LRBA: variants seen among roughly 807,000 people sequenced by gnomAD.
LRBA encodes LPS responsive beige-like anchor protein.
LRBA carries 176 observed loss-of-function variants against 330.0 expected under a neutral mutation model. The ratio of observed to expected loss-of-function variants is 0.53; its 90% CI spans 0.47 to 0.60. The LOEUF is 0.60. LRBA is among the 20% of genes least tolerant of loss of function. The probability of loss-of-function intolerance (pLI) is 0.00; values close to 1 mark genes in which losing one functional copy is unlikely to be tolerated. For missense variants in LRBA, 3,259 were observed against 3,444.8 expected (o/e 0.95, Z 1.35); for synonymous variants, 1,230 against 1,193.0 (o/e 1.03, Z -0.64).
intron 56 of LRBA, among the ~76,000 whole-genome samples, chr4:150,267,697 G>A (rs1270648336): frequency 2.0e-5 from 3 of 152,092 alleles, no homozygotes; most frequent in Non-Finnish European, 4.4e-5. Context: ...ATAGTAAAAT[G>A]ATTGATAGGA....
chr4:150,590,140 T>A (rs1772625004), intron 39 of LRBA, among the ~76,000 whole-genome samples: 1 of 152,182 alleles, frequency 6.6e-6, no homozygotes. Flanking sequence ...AATGAATGAC[T>A]AAAATTTCCG....
chr4:150,600,201 G>GT (rs1258602250), intron 37 of LRBA, among the ~76,000 whole-genome samples: 1 of 151,994 alleles, frequency 6.6e-6, no homozygotes, highest in Non-Finnish European at 1.5e-5. Context: ...AGGAACACCT[G>GT]TAAGTTTCAA....
At chr4:150,832,575 G>C in intron 28 of LRBA, among the ~76,000 whole-genome samples, 1 of 152,116 alleles carries the variant, frequency 6.6e-6, no homozygotes, top group East Asian at 1.9e-4. Flanking sequence ...AAGCCTGGGC[G>C]ACAGAGTGAG....
intron 22 of LRBA, among the ~76,000 whole-genome samples, chr4:150,858,003 T>C (rs1389408290): frequency 1.3e-5 from 2 of 152,148 alleles, no homozygotes; most frequent in Middle Eastern, 3.2e-3. Flanking sequence ...TATAGATTCA[T>C]GTATAGAAGA....
chr4:150,296,592 G>A (rs1729003155), intron 53 of LRBA, among the ~76,000 whole-genome samples: 1 of 151,982 alleles, frequency 6.6e-6, no homozygotes, highest in African/African-American at 2.4e-5. Flanking sequence ...CTTCTGCTCT[G>A]TAAAGCGATA....
intron 34 of LRBA, among the ~76,000 whole-genome samples, chr4:150,785,804 A>G (rs1738970839): frequency 6.6e-6 from 1 of 152,250 alleles, no homozygotes; most frequent in Admixed American, 6.5e-5. Flanking sequence ...TGAAAGTAAC[A>G]TAGTATAAAC....
intron 36 of LRBA, among the ~76,000 whole-genome samples, chr4:150,713,171 T>G (rs1786407026): frequency 1.3e-5 from 2 of 152,114 alleles, no homozygotes; most frequent in South Asian, 4.1e-4. Context: ...GCTGGGGTCA[T>G]GCAATCCTCC....
At chr4:150,805,493 GA>G (rs1742569907) in intron 33 of LRBA, among the ~76,000 whole-genome samples, 1 of 132,276 alleles carries the variant, frequency 7.6e-6, no homozygotes. Context: ...GAAAGGAAAG[GA>G]GAAGGAGGAG....
At chr4:150,394,918 C>T (rs1005829715) in intron 47 of LRBA, among the ~76,000 whole-genome samples, 4 of 152,062 alleles carry the variant, frequency 2.6e-5, no homozygotes, top group African/African-American at 9.7e-5. Flanking sequence ...GTAGTCATGG[C>T]TTAAATGCAG....
intron 47 of LRBA, among the ~76,000 whole-genome samples, chr4:150,364,773 T>C (rs1425320173): frequency 1.3e-5 from 2 of 152,140 alleles, no homozygotes; most frequent in African/African-American, 2.4e-5. Context: ...TTAACTGGAA[T>C]GTAAGCTCCT....
At chr4:150,734,020 T>C (rs1730863987) in intron 36 of LRBA, among the ~76,000 whole-genome samples, 2 of 152,174 alleles carry the variant, frequency 1.3e-5, no homozygotes, top group Admixed American at 6.5e-5. Context: ...TCAAAAAATA[T>C]GTTAACAACA....
chr4:150,788,837 G>A (rs1481766201), intron 34 of LRBA, among the ~76,000 whole-genome samples: 1 of 151,202 alleles, frequency 6.6e-6, no homozygotes, highest in Non-Finnish European at 1.5e-5. Flanking sequence ...CACATTGGGA[G>A]GCTGAGGCCA....
At chr4:150,700,679 T>C (rs965971024) in intron 36 of LRBA, among the ~76,000 whole-genome samples, 1 of 151,704 alleles carries the variant, frequency 6.6e-6, no homozygotes, top group Admixed American at 6.5e-5. Context: ...TAACTCTTTT[T>C]TAATAACACA....
At chr4:150,872,641 TC>T (rs759387751) in intron 18 of LRBA, 21 bp downstream of exon 18, 1 of 1,458,454 alleles carries the variant, frequency 6.9e-7, no homozygotes, top group Admixed American at 1.7e-5. Context: ...CAACAGTCCA[TC>T]TTAGATTTCG....
At chr4:150,278,314 G>A (rs1747071807) in intron 55 of LRBA, among the ~76,000 whole-genome samples, 1 of 152,200 alleles carries the variant, frequency 6.6e-6, no homozygotes, top group African/African-American at 2.4e-5. Flanking sequence ...CTAATGAGAA[G>A]CCCTGGCATC....
chr4:151,002,170 G>A (rs899045114), intron 2 of LRBA, among the ~76,000 whole-genome samples: 5 of 88,760 alleles, frequency 5.6e-5, no homozygotes, highest in African/African-American at 8.2e-5. Context: ...AGATATCAAT[G>A]TAACGACAGA....
intron 24 of LRBA, 115 bp downstream of exon 24, chr4:150,850,609 T>C (rs1750503249): frequency 1.7e-6 from 1 of 574,908 alleles, no homozygotes. Context: ...TAGAATAATT[T>C]CTATTCTACT....
intron 2 of LRBA, among the ~76,000 whole-genome samples, chr4:150,987,621 G>A (rs1262335908): frequency 3.9e-5 from 6 of 151,966 alleles, no homozygotes; most frequent in Admixed American, 6.6e-5. Context: ...CAGGAGAATC[G>A]CTTGAACCTG....
intron 34 of LRBA, among the ~76,000 whole-genome samples, chr4:150,771,929 T>C (rs529156966): frequency 6.6e-6 from 1 of 152,328 alleles, no homozygotes; most frequent in Admixed American, 6.5e-5. Flanking sequence ...GAAGTCACCC[T>C]TCAGTGAGCA....
Sources: gnomAD v4.1 joint callset for allele counts (sites outside exome capture counted in the v4.1 genomes callset) on GRCh38, gnomAD v4.1.1 for gene constraint, MANE v1.5 for transcripts, NCBI Gene and HGNC (gene_info 2026-07-23, HGNC 2026-07-21) for gene names.